The following ARAP2 variants were observed in gnomAD, a reference collection of about 807,000 sequenced individuals.
The protein encoded by ARAP2 is arf-GAP with Rho-GAP domain, ANK repeat and PH domain-containing protein 2.
A neutral mutation model predicts 194.5 loss-of-function variants in ARAP2; 148 were observed. The ratio of observed to expected loss-of-function variants is 0.76; its 90% CI spans 0.67 to 0.87. The LOEUF is 0.87. Among genes scored for constraint, ARAP2 ranks in the 40% least tolerant of loss-of-function variants. The pLI, the probability that ARAP2 is intolerant of heterozygous loss-of-function variation, is 0.00. For missense variants in ARAP2, 2,128 were observed against 1,989.7 expected, an observed-to-expected ratio of 1.07 and a Z score of -1.32; for synonymous variants, 695 against 683.5, an observed-to-expected ratio of 1.02 and a Z score of -0.26.
At position 36,026,762 on chromosome 4, in the gene ARAP2, G is replaced by A. The variant is rs187193821; in HGVS notation, n.608-7476C>T. 1.9e-3 allele frequency among the ~76,000 whole-genome samples: 290 copies of A among 152,330 alleles called. 1 individual carries two copies. Among genetic ancestry groups the A allele is most frequent in the African/African-American group, 6.7e-3 (280 of 41,580 alleles). On this transcript the variant is annotated intron_variant and non_coding_transcript_variant, in intron 5 of 12. Coordinates refer to the ARAP2 transcript ENST00000503225. The stretch of plus-strand genomic sequence containing the variant: ...GAATTATGGCTGAGCCTCCATCAGG[G>A]TGCCTCTCGGGACAGATGCTGTGGC...
chr4:36,230,055 A>G (rs1357413430), intron 1 of ARAP2, among the ~76,000 whole-genome samples: 1 of 152,334 alleles, frequency 6.6e-6, no homozygotes, highest in African/African-American at 2.4e-5. Context: ...TAGCTTAGAT[A>G]AAAAACTGTT....
intron 28 of ARAP2, among the ~76,000 whole-genome samples, chr4:36,089,299 T>C (rs1356049881): frequency 6.6e-6 from 1 of 152,184 alleles, no homozygotes; most frequent in African/African-American, 2.4e-5. Context: ...CTTGTTTTAA[T>C]ATTCATTTTT....
At chr4:36,017,564 T>TAAAAAAAAGA in intron 6 of ARAP2, among the ~76,000 whole-genome samples, 1 of 42,578 alleles carries the variant, frequency 2.3e-5, no homozygotes, top group East Asian at 7.7e-4. Flanking sequence ...AAGAAAGTGG[T>TAAAAAAAAGA]AAAAAAAAAA....
intron 26 of ARAP2, among the ~76,000 whole-genome samples, chr4:36,109,770 T>A (rs1158538907): frequency 1.3e-5 from 2 of 151,860 alleles, no homozygotes; most frequent in Admixed American, 6.6e-5. Context: ...AGTACAGGTT[T>A]GTTACATATG....
At chr4:36,096,307 G>C (rs538310973) in intron 27 of ARAP2, among the ~76,000 whole-genome samples, 3 of 144,794 alleles carry the variant, frequency 2.1e-5, no homozygotes, top group Admixed American at 1.4e-4. Context: ...GGAGGTTGAA[G>C]TGAGTCTAGA....
intron 19 of ARAP2, among the ~76,000 whole-genome samples, chr4:36,142,412 CG>C (rs1728568474): frequency 6.6e-6 from 1 of 151,472 alleles, no homozygotes; most frequent in Non-Finnish European, 1.5e-5. Context: ...CCCCTTACCT[CG>C]TTAATCCTAT....
At chr4:36,242,435 G>A (rs943607516) in intron 1 of ARAP2, among the ~76,000 whole-genome samples, 3 of 152,134 alleles carry the variant, frequency 2.0e-5, no homozygotes, top group African/African-American at 7.2e-5. Context: ...ACAGTTGCAG[G>A]GAGGTGGGTT....
chr4:36,127,783 A>G (rs1239820317), intron 21 of ARAP2, among the ~76,000 whole-genome samples: 1 of 152,064 alleles, frequency 6.6e-6, no homozygotes, highest in East Asian at 1.9e-4. Context: ...AAAAATAAAA[A>G]TGTCATATAC....
At chr4:36,030,427 CT>C (rs1413309323) in intron 5 of ARAP2, among the ~76,000 whole-genome samples, 1 of 151,930 alleles carries the variant, frequency 6.6e-6, no homozygotes. Context: ...ACCATGTATC[CT>C]TTTTATATAT....
Position 36,210,423 on chromosome 4 carries a change from T to G in ARAP2, c.1454A>C (p.Lys485Thr). 1 of 1,613,290 alleles carries G rather than the reference T, an allele frequency of 6.2e-7. No homozygotes were observed. The highest frequency in any genetic ancestry group is 1.3e-5 in the African/African-American group (1 of 75,012). Residue 485 changes from lysine to threonine, a missense_variant, in exon 6 of 33, where the codon AAA (lysine) becomes ACA (threonine). By Grantham distance (78) the Lys-to-Thr change is moderately conservative. Transcript: ENST00000303965. ...AGAGAGTTTATCCAGCCATCCTGAT[T>G]TAACCTTCTTTGCAGATGCTCCATA... ...CFYGASAKKV[K>T]SGWLDKLSPQ... is the part of the protein sequence containing the mutation.
intron 26 of ARAP2, 44 bp from the exon 27 acceptor site, chr4:36,107,737 T>C: frequency 6.5e-7 from 1 of 1,531,152 alleles, no homozygotes; most frequent in Non-Finnish European, 8.8e-7. Context: ...TATATGAGGA[T>C]AACAATTTTT....
At chr4:36,071,337 G>T (rs1726819758) in intron 32 of ARAP2, among the ~76,000 whole-genome samples, 1 of 152,146 alleles carries the variant, frequency 6.6e-6, no homozygotes, top group African/African-American at 2.4e-5. Context: ...AGATATCCAT[G>T]ATTTTACAGG....
intron 19 of ARAP2, among the ~76,000 whole-genome samples, chr4:36,144,471 G>A (rs1729139129): frequency 6.6e-6 from 1 of 151,674 alleles, no homozygotes; most frequent in African/African-American, 2.4e-5. Context: ...ACGGTATAGT[G>A]AAATCATCAT....
At chr4:36,040,415 C>T (rs900505261) in intron 5 of ARAP2, among the ~76,000 whole-genome samples, 19 of 152,104 alleles carry the variant, frequency 1.2e-4, no homozygotes, top group Admixed American at 2.6e-4. Context: ...AGCATTGAAC[C>T]GGTAAATTGC....
chr4:36,037,268 G>T (rs1008049843), intron 5 of ARAP2, among the ~76,000 whole-genome samples: 5 of 152,306 alleles, frequency 3.3e-5, no homozygotes, highest in African/African-American at 9.6e-5. Context: ...CTGGCAGGCA[G>T]TCAGCAGCCT....
In ARAP2 at chr4:36,101,481, A is replaced by G. The variant is rs879822553; in HGVS notation, c.4285+6084T>C. ...TTTCCTATACTGTTTTCATTATTAC[A>G]TTGAATTATAATAAACATTTCTAAA... On this transcript the variant is annotated intron_variant, in intron 27 of 32. Coordinates refer to ENST00000303965, the MANE Select transcript of ARAP2 (RefSeq NM_015230.4). Among the ~76,000 whole-genome samples, 2 of 151,738 alleles carry G rather than the reference A, an allele frequency of 1.3e-5. 1 individual carries two copies. Among genetic ancestry groups the G allele is most frequent in the Admixed American group, 1.3e-4 (2 of 15,206 alleles).
chr4:36,050,006 A>G (rs1722407955), intron 3 of ARAP2, among the ~76,000 whole-genome samples: 1 of 152,156 alleles, frequency 6.6e-6, no homozygotes, highest in Non-Finnish European at 1.5e-5. Context: ...GTATTTGTTA[A>G]CCCAGATTTG....
chr4:36,038,168 A>T (rs1369941639), intron 5 of ARAP2, among the ~76,000 whole-genome samples: 1 of 152,170 alleles, frequency 6.6e-6, no homozygotes, highest in Non-Finnish European at 1.5e-5. Context: ...TGGCCTACAC[A>T]GCTTTATCGT....
At chr4:36,204,519 T>C (rs1386149145) in intron 6 of ARAP2, among the ~76,000 whole-genome samples, 1 of 152,116 alleles carries the variant, frequency 6.6e-6, no homozygotes, top group Non-Finnish European at 1.5e-5. Flanking sequence ...ATCCCAAAGA[T>C]GATACAAGGG....
Sources: allele counts gnomAD v4.1 joint callset (sites outside exome capture counted in the v4.1 genomes callset), GRCh38; gene constraint gnomAD v4.1.1; transcripts MANE v1.5; gene names NCBI Gene and HGNC (gene_info 2026-07-23, HGNC 2026-07-21).